SLX4IP: variants seen among roughly 807,000 people sequenced by gnomAD.
The protein encoded by SLX4IP is protein SLX4IP.
Under a neutral mutation model 32.9 loss-of-function variants are expected in SLX4IP, and 34 were observed. The ratio of observed to expected loss-of-function variants is 1.03; its 90% confidence interval spans 0.79 to 1.38. SLX4IP has a LOEUF of 1.38. Among genes scored for constraint, SLX4IP ranks in the 40% most tolerant of loss-of-function variants. The pLI is 0.00. For missense variants in SLX4IP, 444 were observed against 479.0 expected (o/e 0.93, Z 0.68); for synonymous variants, 172 against 171.7 (o/e 1.00, Z -0.01).
intron 4 of SLX4IP, among the ~76,000 whole-genome samples, chr20:10,590,951 A>G (rs1302395285): frequency 2.6e-5 from 4 of 152,220 alleles, no homozygotes; most frequent in African/African-American, 9.6e-5. Context: ...ACCACACAAT[A>G]TATTTTAAAA....
intron 2 of SLX4IP, among the ~76,000 whole-genome samples, chr20:10,462,953 A>G (rs955732039): frequency 1.3e-5 from 2 of 152,220 alleles, no homozygotes; most frequent in African/African-American, 4.8e-5. Flanking sequence ...ATGTGATGGC[A>G]TATGCCTGTA....
At chr20:10,608,606 G>A (rs1424149871) in intron 6 of SLX4IP, among the ~76,000 whole-genome samples, 5 of 149,872 alleles carry the variant, frequency 3.3e-5, no homozygotes, top group African/African-American at 7.4e-5. Context: ...CCCAGGAGGC[G>A]GAGCTTGCAG....
Position 10,501,937 on chromosome 20 carries a change from A to G in SLX4IP, c.27+43706A>G, listed in dbSNP as rs535028535. Among the ~76,000 whole-genome samples, 49 of 152,358 alleles carry G rather than the reference A, an allele frequency of 3.2e-4. 1 individual carries two copies. The highest frequency in any genetic ancestry group is 1.1e-3 in the African/African-American group (46 of 41,584). The stretch of plus-strand genomic sequence containing the variant: ...TAAAAATGTAATGGGCACATTGCTT[A>G]CAGTACTCTGATGAGAGCACACCGT... On this transcript the variant is annotated intron_variant, in intron 2 of 7. Transcript: ENST00000334534.
chr20:10,571,534 C>T (rs1157385838), intron 4 of SLX4IP, among the ~76,000 whole-genome samples: 1 of 152,164 alleles, frequency 6.6e-6, no homozygotes, highest in Non-Finnish European at 1.5e-5. Flanking sequence ...GTATCACCTC[C>T]TCCAAGGAGC....
At chr20:10,518,419 C>T (rs1259097055) in intron 2 of SLX4IP, among the ~76,000 whole-genome samples, 2,351 of 114,104 alleles carry the variant, frequency 0.021, 103 homozygotes, top group Non-Finnish European at 0.031. Context: ...TTCCTTCCTT[C>T]CTTCCCTCCC....
intron 2 of SLX4IP, among the ~76,000 whole-genome samples, chr20:10,490,939 G>C (rs78713582): frequency 2.6e-4 from 39 of 152,096 alleles, no homozygotes; most frequent in Middle Eastern, 3.4e-3. Context: ...CCCTCACAGG[G>C]GGGTATCCAG....
intron 6 of SLX4IP, chr20:10,613,867 T>A: frequency 6.3e-7 from 1 of 1,577,822 alleles, no homozygotes; most frequent in East Asian, 2.2e-5. Flanking sequence ...TTGTATGTCT[T>A]TTCAAAAGCT....
At chr20:10,488,717 GAAGT>G (rs2122392837) in intron 2 of SLX4IP, among the ~76,000 whole-genome samples, 1 of 152,258 alleles carries the variant, frequency 6.6e-6, no homozygotes, top group African/African-American at 2.4e-5. Flanking sequence ...CATTTCCAGA[GAAGT>G]AATTGTTATA....
intron 2 of SLX4IP, among the ~76,000 whole-genome samples, chr20:10,490,065 A>T (rs930452163): frequency 6.6e-6 from 1 of 152,146 alleles, no homozygotes; most frequent in African/African-American, 2.4e-5. Context: ...ACCTGTATGG[A>T]TTATGAATGA....
intron 2 of SLX4IP, among the ~76,000 whole-genome samples, chr20:10,528,757 C>T (rs1225549708): frequency 6.6e-6 from 1 of 152,242 alleles, no homozygotes; most frequent in Non-Finnish European, 1.5e-5. Flanking sequence ...CCACACCCAA[C>T]CAGAGTGGCT....
intron 2 of SLX4IP, among the ~76,000 whole-genome samples, chr20:10,516,139 C>T (rs913371286): frequency 5.9e-5 from 9 of 152,286 alleles, no homozygotes; most frequent in Admixed American, 4.6e-4. Context: ...CTGCCTACCT[C>T]GGCCTCCCAA....
At chr20:10,617,045 C>G (rs1175956369) in intron 6 of SLX4IP, among the ~76,000 whole-genome samples, 1 of 152,166 alleles carries the variant, frequency 6.6e-6, no homozygotes, top group East Asian at 1.9e-4. Context: ...AGGGGCTTGC[C>G]CAAAATATAC....
intron 6 of SLX4IP, among the ~76,000 whole-genome samples, chr20:10,609,516 A>G (rs139156472): frequency 1.3e-5 from 2 of 152,312 alleles, no homozygotes; most frequent in East Asian, 3.9e-4. Flanking sequence ...GAAATGAGAC[A>G]ATCATCTGTG....
In SLX4IP at chr20:10,623,955, C is replaced by T. The variant is rs1431093153; in HGVS notation, c.*576C>T. ...CCTTTGGGTGATTCTGAAACATGCT[C>T]GCGTTTGAGAACCACTGGACTAATA... On this transcript the variant is annotated 3_prime_UTR_variant, in exon 8 of 8. Transcript: ENST00000334534. 6.5e-6 allele frequency: 1 copy of T among 153,120 alleles called. No individual in the cohort carries two copies. The highest frequency in any genetic ancestry group is 1.5e-5 in the Non-Finnish European group (1 of 68,724). The allele number at this position is 153,120 out of a possible 1,614,324, so 9.5% of individuals were successfully genotyped here. A position where few individuals can be genotyped will look rare whatever the true frequency, so the allele number is the denominator to read the frequency against.
chr20:10,498,130 A>T (rs1020925156), intron 2 of SLX4IP, among the ~76,000 whole-genome samples: 9 of 149,484 alleles, frequency 6.0e-5, no homozygotes, highest in Non-Finnish European at 1.2e-4. Flanking sequence ...CTTAACAATT[A>T]TTGGCATCCT....
chr20:10,609,498 A>G (rs1337394417), intron 6 of SLX4IP, among the ~76,000 whole-genome samples: 2 of 152,220 alleles, frequency 1.3e-5, no homozygotes, highest in African/African-American at 4.8e-5. Flanking sequence ...AGCTCAGAGC[A>G]GAATTTTGAA....
intron 4 of SLX4IP, among the ~76,000 whole-genome samples, chr20:10,572,582 A>T (rs906746178): frequency 4.6e-5 from 7 of 151,950 alleles, no homozygotes; most frequent in Non-Finnish European, 4.4e-5. Flanking sequence ...GTAACAGTAA[A>T]TTTTTTTTAC....
intron 6 of SLX4IP, among the ~76,000 whole-genome samples, chr20:10,620,865 C>T (rs1291765959): frequency 1.3e-5 from 2 of 152,188 alleles, no homozygotes; most frequent in African/African-American, 4.8e-5. Context: ...ACAAAATATT[C>T]TTTGTTTTTG....
intron 4 of SLX4IP, among the ~76,000 whole-genome samples, chr20:10,572,540 AG>A (rs2066477993): frequency 6.6e-6 from 1 of 152,178 alleles, no homozygotes. Flanking sequence ...TTGTCTAAAT[AG>A]GGTTCAGGAC....
Sources: allele counts gnomAD v4.1 joint callset (sites outside exome capture counted in the v4.1 genomes callset), GRCh38; gene constraint gnomAD v4.1.1; transcripts MANE v1.5; gene names NCBI Gene and HGNC (gene_info 2026-07-23, HGNC 2026-07-21).